The following LARP1B variants were observed in gnomAD, a reference collection of about 807,000 sequenced individuals.
LARP1B encodes la-related protein 1B.
Under a neutral mutation model 114.2 loss-of-function variants are expected in LARP1B, and 76 were observed. The ratio of observed to expected loss-of-function variants is 0.67; its 90% confidence interval spans 0.55 to 0.81. LARP1B has a LOEUF of 0.81. Ranked by LOEUF, LARP1B falls within the 30% of genes least tolerant of loss-of-function variation. LARP1B has a pLI of 0.00. For missense variants in LARP1B, 1,014 were observed against 1,075.8 expected, an observed-to-expected ratio of 0.94 and a Z score of 0.80; for synonymous variants, 345 against 348.0, an observed-to-expected ratio of 0.99 and a Z score of 0.10.
chr4:128,165,584 G>C (rs1740444579), intron 12 of LARP1B, among the ~76,000 whole-genome samples: 1 of 152,006 alleles, frequency 6.6e-6, no homozygotes, highest in Non-Finnish European at 1.5e-5. Context: ...TTACGATATA[G>C]AATTTAAGGC....
At chr4:128,065,765 G>A (rs1762555981) in intron 1 of LARP1B, among the ~76,000 whole-genome samples, 1 of 151,870 alleles carries the variant, frequency 6.6e-6, no homozygotes, top group African/African-American at 2.4e-5. Context: ...GGCTGCCTTG[G>A]CTTCCATTTA....
rs777388239 is a variant in LARP1B, at chr4:128,107,317, A to T, written c.988+4A>T. ...CAAGCCTTTTGCTCACATACAGGTA[A>T]CATCTTTTCTTCTAGAGCAAACGAT... On this transcript the variant is annotated splice_donor_region_variant and intron_variant, in intron 9 of 19. Coordinates refer to ENST00000326639, the MANE Select transcript of LARP1B (RefSeq NM_018078.4). The T allele has an allele frequency of 3.1e-6, 5 of 1,613,914 alleles. No individual in the cohort carries two copies. Among genetic ancestry groups the T allele is most frequent in the Non-Finnish European group, 4.2e-6 (5 of 1,179,924 alleles).
At chr4:128,136,166 G>A (rs1363534732) in intron 11 of LARP1B, among the ~76,000 whole-genome samples, 1 of 151,808 alleles carries the variant, frequency 6.6e-6, no homozygotes, top group Non-Finnish European at 1.5e-5. Context: ...GGTGGTGCAC[G>A]CCTGTAATCC....
chr4:128,152,385 G>A (rs751647797), intron 11 of LARP1B, among the ~76,000 whole-genome samples: 81 of 151,808 alleles, frequency 5.3e-4, no homozygotes, highest in Middle Eastern at 3.2e-3. Flanking sequence ...TGTATTTTCA[G>A]TAGAGACGAG....
intron 11 of LARP1B, among the ~76,000 whole-genome samples, chr4:128,138,454 T>C (rs886574133): frequency 3.9e-5 from 6 of 152,198 alleles, no homozygotes; most frequent in African/African-American, 1.4e-4. Flanking sequence ...AGATATTTTA[T>C]TAACATATCT....
chr4:128,091,599 A>AT (rs369786648), intron 7 of LARP1B, 87 bp downstream of exon 7: 106,080 of 823,192 alleles, frequency 0.13, no homozygotes, highest in East Asian at 0.15. Flanking sequence ...ATATGCTATA[A>AT]TTTTTTTTTT....
At chr4:128,114,372 TTTAA>T (rs1235098495) in intron 9 of LARP1B, among the ~76,000 whole-genome samples, 194 bp from the exon 10 acceptor site, 1 of 152,214 alleles carries the variant, frequency 6.6e-6, no homozygotes, top group Non-Finnish European at 1.5e-5. Context: ...GGTGACATGC[TTTAA>T]TTATTCAGTG....
At chr4:128,155,867 G>C in intron 11 of LARP1B, 2 of 1,558,258 alleles carry the variant, frequency 1.3e-6, no homozygotes, top group South Asian at 2.2e-5. Flanking sequence ...CAGAAGGAGC[G>C]CCTGGAGCTG....
intron 6 of LARP1B, among the ~76,000 whole-genome samples, chr4:128,220,150 G>T (rs984210370): frequency 2.0e-5 from 3 of 152,136 alleles, no homozygotes; most frequent in Admixed American, 6.6e-5. Flanking sequence ...CTCCCAAAGT[G>T]CTGTGATTAC....
At chr4:128,130,393 T>C (rs1347086289) in intron 11 of LARP1B, among the ~76,000 whole-genome samples, 1 of 152,152 alleles carries the variant, frequency 6.6e-6, no homozygotes, top group African/African-American at 2.4e-5. Flanking sequence ...AGACCTGAGC[T>C]GACACTTCAC....
At chr4:128,145,136 T>C (rs956586638) in intron 11 of LARP1B, among the ~76,000 whole-genome samples, 1 of 152,212 alleles carries the variant, frequency 6.6e-6, no homozygotes, top group African/African-American at 2.4e-5. Flanking sequence ...TGTAGACTTA[T>C]TTTACTCTTT....
At chr4:128,096,113 C>G (rs1324295630) in intron 7 of LARP1B, among the ~76,000 whole-genome samples, 3 of 151,776 alleles carry the variant, frequency 2.0e-5, no homozygotes, top group South Asian at 4.2e-4. Context: ...CCTGCCTCAG[C>G]CTCCCACGTA....
At chr4:128,081,798 G>T (rs1168057235) in intron 4 of LARP1B, among the ~76,000 whole-genome samples, 2 of 152,220 alleles carry the variant, frequency 1.3e-5, no homozygotes, top group Admixed American at 6.5e-5. Flanking sequence ...GCAATGGCAC[G>T]ATCTCGGCTC....
chr4:128,100,110 C>A (rs1209373249), intron 8 of LARP1B, among the ~76,000 whole-genome samples: 1 of 151,664 alleles, frequency 6.6e-6, no homozygotes, highest in East Asian at 1.9e-4. Flanking sequence ...CAGGCGCCTG[C>A]CACCACACTC....
downstream of LARP1B, among the ~76,000 whole-genome samples, chr4:128,213,344 G>A (rs1456813868): frequency 6.6e-6 from 1 of 152,094 alleles, no homozygotes; most frequent in Non-Finnish European, 1.5e-5. Context: ...TAACCATATT[G>A]TTTGTAGATT....
At chr4:128,110,594 G>A (rs536193708) in intron 9 of LARP1B, among the ~76,000 whole-genome samples, 7 of 139,484 alleles carry the variant, frequency 5.0e-5, no homozygotes, top group African/African-American at 8.1e-5. Context: ...GGAGAATGGC[G>A]TGAACCCGGG....
At chr4:128,209,143 G>A (rs542999399) in intron 19 of LARP1B, among the ~76,000 whole-genome samples, 1 of 152,308 alleles carries the variant, frequency 6.6e-6, no homozygotes, top group Non-Finnish European at 1.5e-5. Context: ...TTGAGGCCAG[G>A]CATGGTGGCT....
chr4:128,076,716 A>T (rs1295784180), intron 3 of LARP1B, among the ~76,000 whole-genome samples: 1 of 151,570 alleles, frequency 6.6e-6, no homozygotes, highest in African/African-American at 2.4e-5. Context: ...CCACATCTTC[A>T]CTCACTCTCT....
rs567646570 is a variant in LARP1B at position 128,095,080 on chromosome 4, A to G, written c.669-3106A>G. Among the ~76,000 whole-genome samples the G allele has an allele frequency of 2.6e-5, 4 of 152,292 alleles. No individual in the cohort carries two copies. In the South Asian group the frequency reaches 8.3e-4, roughly 32 times the overall value. Reference sequence around the variant, plus strand: ...ATTTTAGAATTTTAACACATGTATTATGTATCTGCCACATGCCAGACACTA... The same window carrying G: ...ATTTTAGAATTTTAACACATGTATTGTGTATCTGCCACATGCCAGACACTA... On this transcript the variant is annotated intron_variant, in intron 7 of 19. Coordinates refer to ENST00000326639, the MANE Select transcript of LARP1B (RefSeq NM_018078.4).
Sources: allele counts gnomAD v4.1 joint callset (sites outside exome capture counted in the v4.1 genomes callset), GRCh38; gene constraint gnomAD v4.1.1; transcripts MANE v1.5; gene names NCBI Gene and HGNC (gene_info 2026-07-23, HGNC 2026-07-21).